Variants in EIF4G3 observed in about 807,000 individuals in gnomAD.
EIF4G3 encodes the protein eukaryotic translation initiation factor 4 gamma 3.
In EIF4G3, 34 loss-of-function variants were observed where a neutral mutation model predicts 186.4. The observed-to-expected ratio is 0.18, with a 90% CI of 0.14 to 0.24. The LOEUF is 0.24. EIF4G3 is among the 10% of genes least tolerant of loss of function. The pLI is 1.00. For missense variants in EIF4G3, 1,536 were observed against 1,948.5 expected (o/e 0.79, Z 3.99); for synonymous variants, 673 against 679.5 (o/e 0.99, Z 0.15).
chr1:21,049,575 T>C (rs1414469287), intron 4 of EIF4G3, among the ~76,000 whole-genome samples: 1 of 152,244 alleles, frequency 6.6e-6, no homozygotes, highest in African/African-American at 2.4e-5. Flanking sequence ...AAACTTATAT[T>C]CATTAATAGG....
chr1:20,893,059 A>T, intron 18 of EIF4G3: 1 of 228,308 alleles, frequency 4.4e-6, no homozygotes, highest in African/African-American at 2.3e-5. Context: ...GACTATAAGC[A>T]TGCGCCAGCA....
chr1:21,144,225 C>G (rs1279302435), intron 2 of EIF4G3, among the ~76,000 whole-genome samples: 2 of 152,108 alleles, frequency 1.3e-5, no homozygotes, highest in African/African-American at 4.8e-5. Context: ...ATAACAATAA[C>G]AGTTATCAGT....
At chr1:20,837,708 T>C (rs542383103) in intron 30 of EIF4G3, among the ~76,000 whole-genome samples, 3 of 152,318 alleles carry the variant, frequency 2.0e-5, no homozygotes, top group African/African-American at 7.2e-5. Flanking sequence ...GGTATCTTCA[T>C]GGCTCCAATG....
chr1:21,097,621 A>G (rs2096406532), intron 2 of EIF4G3, among the ~76,000 whole-genome samples: 1 of 152,252 alleles, frequency 6.6e-6, no homozygotes, highest in Admixed American at 6.5e-5. Context: ...ACATAAAAAC[A>G]AATCAATGAA....
At chr1:21,126,556 T>C (rs1167192260) in intron 2 of EIF4G3, among the ~76,000 whole-genome samples, 2 of 151,692 alleles carry the variant, frequency 1.3e-5, no homozygotes, top group Non-Finnish European at 2.9e-5. Context: ...CTCCCGAGAA[T>C]GGCATGGGAG....
chr1:20,893,841 G>T (rs965842774), intron 17 of EIF4G3, among the ~76,000 whole-genome samples: 3 of 150,002 alleles, frequency 2.0e-5, no homozygotes, highest in African/African-American at 7.4e-5. Context: ...TTTCTGATAC[G>T]CTGGGAATGA....
intron 19 of EIF4G3, among the ~76,000 whole-genome samples, chr1:20,883,091 A>G: frequency 6.6e-6 from 1 of 152,158 alleles, no homozygotes; most frequent in Non-Finnish European, 1.5e-5. Context: ...CAAAAAAAAA[A>G]AAAACATTTC....
intron 20 of EIF4G3, among the ~76,000 whole-genome samples, chr1:20,877,138 C>T (rs1320063098): frequency 6.6e-6 from 1 of 152,180 alleles, no homozygotes; most frequent in Non-Finnish European, 1.5e-5. Context: ...CATTAAACTA[C>T]CTAAACACCA....
In EIF4G3 at chr1:20,865,206, T is replaced by A; in HGVS notation, c.2679A>T (p.Leu893=). The change falls in exon 21 of 37, where the codon CTA becomes CTT. Residue 893 remains leucine, a synonymous_variant. Coordinates refer to ENST00000602326, the MANE Select transcript of EIF4G3 (RefSeq NM_001391906.1). ...PGNTVNFRKL[L]LNRCQKEFEK... Reference sequence around the variant, plus strand: ...CAAACTCCTTCTGGCAACGGTTCAGTAGCAGCTTCCGGAAATTCACTGTGT... The same window carrying A: ...CAAACTCCTTCTGGCAACGGTTCAGAAGCAGCTTCCGGAAATTCACTGTGT... 2 of 1,614,184 alleles carry A rather than the reference T, an allele frequency of 1.2e-6. No individual in the cohort carries two copies. Among genetic ancestry groups the A allele is most frequent in the Non-Finnish European group, 1.7e-6 (2 of 1,180,020 alleles).
At chr1:20,971,103 G>A (rs1484074500) in intron 11 of EIF4G3, among the ~76,000 whole-genome samples, 1 of 152,186 alleles carries the variant, frequency 6.6e-6, no homozygotes, top group African/African-American at 2.4e-5. Context: ...TATGCTTAAA[G>A]ATGTCAGTGG....
At chr1:21,156,523 A>G (rs771588795) in intron 2 of EIF4G3, among the ~76,000 whole-genome samples, 2 of 152,218 alleles carry the variant, frequency 1.3e-5, no homozygotes, top group Non-Finnish European at 2.9e-5. Context: ...TTCAAATCCA[A>G]CATGTCCTAA....
intron 12 of EIF4G3, among the ~76,000 whole-genome samples, chr1:20,958,011 G>A (rs1000461596): frequency 4.6e-5 from 7 of 151,962 alleles, no homozygotes; most frequent in African/African-American, 1.7e-4. Flanking sequence ...ACTATTCCAA[G>A]TGACTGGGAA....
intron 4 of EIF4G3, among the ~76,000 whole-genome samples, chr1:21,044,604 G>GT: frequency 6.7e-6 from 1 of 150,260 alleles, no homozygotes; most frequent in Non-Finnish European, 1.5e-5. Flanking sequence ...AAAAGCATAT[G>GT]TAGTAAGGAA....
chr1:20,872,757 C>G (rs370827368), intron 20 of EIF4G3, among the ~76,000 whole-genome samples: 1 of 125,766 alleles, frequency 8.0e-6, no homozygotes, highest in South Asian at 2.5e-4. Context: ...CTCACTCTGT[C>G]GGCCAGGCTG....
rs1289165004 is a variant in EIF4G3 at position 21,176,760 on chromosome 1, T to C, written c.-494A>G. 8.6e-6 allele frequency: 6 copies of C among 697,884 alleles called. No individual in the cohort carries two copies. Among genetic ancestry groups the C allele is most frequent in the East Asian group, 2.7e-5 (1 of 36,692 alleles). 43.2% of individuals were successfully genotyped at this position (697,884 alleles called of 1,614,324 possible). A position where few individuals can be genotyped will look rare whatever the true frequency, so the allele number is the denominator to read the frequency against. ...ATCCTCATGGGCCGGCGGCGGGGGA[T>C]CTTTATCCCCCTCCCCGGAGGAAGC... On this transcript the variant is annotated 5_prime_UTR_variant, in exon 1 of 37. Transcript: ENST00000602326.
At chr1:20,846,936 T>C (rs560980458) in intron 29 of EIF4G3, among the ~76,000 whole-genome samples, 3 of 152,310 alleles carry the variant, frequency 2.0e-5, no homozygotes, top group African/African-American at 4.8e-5. Flanking sequence ...AAATATTAAT[T>C]TGAATCACTG....
chr1:20,839,909 C>CAAAA (rs58331252), intron 30 of EIF4G3, among the ~76,000 whole-genome samples: 136 of 128,406 alleles, frequency 1.1e-3, no homozygotes, highest in African/African-American at 3.7e-3. Flanking sequence ...ATGAGCTTGG[C>CAAAA]AAAAAAAAAA....
intron 14 of EIF4G3, among the ~76,000 whole-genome samples, chr1:20,930,082 T>C (rs993740444): frequency 2.0e-5 from 3 of 152,364 alleles, no homozygotes; most frequent in East Asian, 3.9e-4. Context: ...AAATAATGCA[T>C]ATTATCTGAA....
At chr1:20,985,090 C>A (rs538748979) in intron 7 of EIF4G3, among the ~76,000 whole-genome samples, 1 of 152,194 alleles carries the variant, frequency 6.6e-6, no homozygotes, top group East Asian at 1.9e-4. Flanking sequence ...AATGGAATAC[C>A]CCCATATTTT....
Sources: allele counts gnomAD v4.1 joint callset (sites outside exome capture counted in the v4.1 genomes callset), GRCh38; gene constraint gnomAD v4.1.1; transcripts MANE v1.5; gene names NCBI Gene and HGNC (gene_info 2026-07-23, HGNC 2026-07-21).